Variants in PDGFD observed in about 807,000 individuals in gnomAD.
The protein encoded by PDGFD is platelet-derived growth factor D.
PDGFD carries 30 observed loss-of-function variants against 44.7 expected under a neutral mutation model. The ratio of observed to expected loss-of-function variants is 0.67; its 90% confidence interval spans 0.50 to 0.91. PDGFD has a LOEUF of 0.91. Ranked by LOEUF, PDGFD falls within the 40% of genes least tolerant of loss-of-function variation. The probability of loss-of-function intolerance (pLI) is 0.00; values close to 1 mark genes in which losing one functional copy is unlikely to be tolerated. For missense variants in PDGFD, 445 were observed against 457.8 expected (o/e 0.97, Z 0.25); for synonymous variants, 173 against 168.4 (o/e 1.03, Z -0.21).
At chr11:103,981,029 G>A (rs1250429406) in intron 3 of PDGFD, among the ~76,000 whole-genome samples, 1 of 149,154 alleles carries the variant, frequency 6.7e-6, no homozygotes, top group African/African-American at 2.6e-5. Flanking sequence ...TGTTTCGAAT[G>A]ACTGTCCTCT....
intron 1 of PDGFD, among the ~76,000 whole-genome samples, chr11:104,098,762 C>A (rs1198548843): frequency 6.6e-6 from 1 of 152,014 alleles, no homozygotes; most frequent in Non-Finnish European, 1.5e-5. Flanking sequence ...GTGATATTAC[C>A]ACCTCGGTCT....
chr11:104,136,464 C>A (rs1295339085), intron 1 of PDGFD, among the ~76,000 whole-genome samples: 2 of 152,006 alleles, frequency 1.3e-5, no homozygotes, highest in African/African-American at 4.8e-5. Flanking sequence ...CAAGAAATAA[C>A]AAAACAAATG....
At chr11:104,070,192 A>G (rs770688341) in intron 1 of PDGFD, among the ~76,000 whole-genome samples, 1 of 152,160 alleles carries the variant, frequency 6.6e-6, no homozygotes, top group Non-Finnish European at 1.5e-5. Context: ...CTTTTTGGTC[A>G]TTTTATCAGA....
chr11:104,029,797 G>C (rs1478120804), intron 1 of PDGFD, among the ~76,000 whole-genome samples: 2 of 152,196 alleles, frequency 1.3e-5, no homozygotes, highest in Non-Finnish European at 2.9e-5. Flanking sequence ...TCACAGAGGT[G>C]AGTGTATGTG....
intron 1 of PDGFD, among the ~76,000 whole-genome samples, chr11:104,033,517 T>G (rs1377962562): frequency 6.6e-6 from 1 of 152,114 alleles, no homozygotes; most frequent in East Asian, 1.9e-4. Flanking sequence ...ACACATCACA[T>G]AGAATTTAAA....
In PDGFD at chr11:104,119,058, A is replaced by ATATTAATATATT. The variant is rs1318496317; in HGVS notation, c.124+44745_124+44746insAATATATTAATA. ...ATAATATATAATATATTGATATATT[A>ATATTAATATATT]ATATAATATATTGGTATAATATATA... is the stretch of plus-strand genomic sequence containing the variant. On this transcript the variant is annotated intron_variant, in intron 1 of 6. Coordinates refer to ENST00000393158, the MANE Select transcript of PDGFD (RefSeq NM_025208.5). Among the ~76,000 whole-genome samples the ATATTAATATATT allele has an allele frequency of 6.1e-4, 25 of 41,050 alleles. 12 individuals are homozygous for ATATTAATATATT. Among genetic ancestry groups the ATATTAATATATT allele is most frequent in the South Asian group, 1.9e-3 (2 of 1,070 alleles). The allele number at this position is 41,050 out of a possible 152,430, so 26.9% of individuals were successfully genotyped here. A position where few individuals can be genotyped will look rare whatever the true frequency, so the allele number is the denominator to read the frequency against.
chr11:104,145,299 C>T (rs1361577718), intron 1 of PDGFD, among the ~76,000 whole-genome samples: 1 of 152,162 alleles, frequency 6.6e-6, no homozygotes, highest in South Asian at 2.1e-4. Flanking sequence ...TGCTATGTTA[C>T]GTCATGCAAT....
At chr11:104,159,841 A>G (rs1022081777) in intron 1 of PDGFD, among the ~76,000 whole-genome samples, 18 of 152,144 alleles carry the variant, frequency 1.2e-4, no homozygotes, top group African/African-American at 4.3e-4. Flanking sequence ...AGCATCCTCC[A>G]CTACATAGTA....
chr11:104,067,978 G>A (rs1860816472), intron 1 of PDGFD, among the ~76,000 whole-genome samples: 1 of 152,156 alleles, frequency 6.6e-6, no homozygotes, highest in Non-Finnish European at 1.5e-5. Flanking sequence ...TGAAATTGCA[G>A]CGAAAATTTC....
At chr11:103,983,875 A>T (rs2134353322) in intron 3 of PDGFD, among the ~76,000 whole-genome samples, 1 of 151,930 alleles carries the variant, frequency 6.6e-6, no homozygotes, top group Non-Finnish European at 1.5e-5. Flanking sequence ...CACCAGTCAG[A>T]ATGGTTATTA....
chr11:104,078,353 C>T (rs1264747983), intron 1 of PDGFD, among the ~76,000 whole-genome samples: 2 of 152,296 alleles, frequency 1.3e-5, no homozygotes, highest in African/African-American at 4.8e-5. Context: ...TCTATATACA[C>T]CCATCAACAC....
chr11:104,100,527 C>T (rs1591163564), intron 1 of PDGFD, among the ~76,000 whole-genome samples: 1 of 152,104 alleles, frequency 6.6e-6, no homozygotes, highest in East Asian at 1.9e-4. Flanking sequence ...CTGAATTCTA[C>T]CAGAGGTACA....
intron 1 of PDGFD, among the ~76,000 whole-genome samples, chr11:104,084,605 TTA>T (rs955360791): frequency 2.0e-5 from 3 of 147,458 alleles, no homozygotes; most frequent in Non-Finnish European, 3.0e-5. Context: ...AAAAATTAAA[TTA>T]TATATATATA....
chr11:104,132,375 T>C (rs75752560), intron 1 of PDGFD, among the ~76,000 whole-genome samples: 19,781 of 152,054 alleles, frequency 0.13, 1,415 homozygotes, highest in East Asian at 0.29. Context: ...CTTTTTTTTC[T>C]GCTCTGTACA....
intron 1 of PDGFD, among the ~76,000 whole-genome samples, chr11:104,155,428 A>G: frequency 6.6e-6 from 1 of 152,212 alleles, no homozygotes; most frequent in East Asian, 1.9e-4. Context: ...CTTAGGTCTC[A>G]TGAATGCTTT....
intron 3 of PDGFD, among the ~76,000 whole-genome samples, chr11:103,992,174 G>T (rs1163542284): frequency 6.6e-6 from 1 of 152,156 alleles, no homozygotes; most frequent in Non-Finnish European, 1.5e-5. Context: ...AATCAGAAAA[G>T]AAGGCTGAAC....
intron 1 of PDGFD, among the ~76,000 whole-genome samples, chr11:104,135,369 A>G (rs1434307360): frequency 6.6e-6 from 1 of 152,326 alleles, no homozygotes; most frequent in East Asian, 1.9e-4. Context: ...AGGAGGAACT[A>G]ACAGATAGAA....
chr11:104,153,825 G>A (rs1487176542), intron 1 of PDGFD, among the ~76,000 whole-genome samples: 4 of 151,808 alleles, frequency 2.6e-5, no homozygotes, highest in African/African-American at 4.8e-5. Context: ...TATTTTTGGG[G>A]GTCATTTGCA....
chr11:103,982,358 G>A (rs1053444888), intron 3 of PDGFD, among the ~76,000 whole-genome samples: 5 of 151,802 alleles, frequency 3.3e-5, no homozygotes, highest in Admixed American at 6.6e-5. Context: ...TTTGAGGCCT[G>A]CTGAGCGCAA....
Sources: gnomAD v4.1 joint callset for allele counts (sites outside exome capture counted in the v4.1 genomes callset) on GRCh38, gnomAD v4.1.1 for gene constraint, MANE v1.5 for transcripts, NCBI Gene and HGNC (gene_info 2026-07-23, HGNC 2026-07-21) for gene names.